Variants in TSNARE1 observed in about 807,000 individuals in gnomAD.
The protein encoded by TSNARE1 is t-SNARE domain containing 1, also known as t-SNARE domain-containing protein 1.
A neutral mutation model predicts 62.0 loss-of-function variants in TSNARE1; 49 were observed. That is an observed-to-expected ratio of 0.79 (90% CI 0.63 to 1.00). The LOEUF is 1.00. TSNARE1 is among the 50% of genes least tolerant of loss of function. TSNARE1 has a pLI of 0.00. For synonymous variants in TSNARE1, 328 were observed against 294.4 expected, an observed-to-expected ratio of 1.11 and a Z score of -1.17; for missense variants, 755 against 700.1, an observed-to-expected ratio of 1.08 and a Z score of -0.88.
At chr8:142,231,242 A>G (rs920332619) in intron 12 of TSNARE1, among the ~76,000 whole-genome samples, 1 of 152,210 alleles carries the variant, frequency 6.6e-6, no homozygotes, top group African/African-American at 2.4e-5. Context: ...CTTGGGAAAC[A>G]CATTGCTACC....
chr8:142,217,855 A>ATCAGGGTTCAGAGTGTGGCCAGGG (rs1196846479), intron 13 of TSNARE1, among the ~76,000 whole-genome samples: 3 of 126,466 alleles, frequency 2.4e-5, no homozygotes, highest in Non-Finnish European at 5.0e-5. Flanking sequence ...TGTGAGCAGG[A>ATCAGGGTTCAGAGTGTGGCCAGGG]TCAGGGCTCA....
At chr8:142,336,415 G>C (rs1337532743) in intron 4 of TSNARE1, among the ~76,000 whole-genome samples, 1 of 148,962 alleles carries the variant, frequency 6.7e-6, no homozygotes, top group Non-Finnish European at 1.5e-5. Context: ...GTAATCATAA[G>C]AAAGCTGGAA....
At chr8:142,267,522 ACT>A (rs1361321194) in intron 12 of TSNARE1, among the ~76,000 whole-genome samples, 2 of 151,958 alleles carry the variant, frequency 1.3e-5, no homozygotes, top group African/African-American at 2.4e-5. Flanking sequence ...TGCCTCTAGC[ACT>A]CTCTGTGAAC....
chr8:142,276,729 C>G (rs1015791222), intron 11 of TSNARE1: 14 of 985,398 alleles, frequency 1.4e-5, no homozygotes, highest in Non-Finnish European at 1.7e-5. Flanking sequence ...GGACTCTGAT[C>G]GTAGTGTGTG....
At chr8:142,340,311 G>T (rs915149910) in intron 4 of TSNARE1, among the ~76,000 whole-genome samples, 1 of 152,220 alleles carries the variant, frequency 6.6e-6, no homozygotes, top group African/African-American at 2.4e-5. Flanking sequence ...TTATAGAGGA[G>T]GAAGCGGAGG....
At chr8:142,374,585 T>C (rs1836182623) in intron 1 of TSNARE1, among the ~76,000 whole-genome samples, 1 of 147,130 alleles carries the variant, frequency 6.8e-6, no homozygotes, top group South Asian at 2.1e-4. Flanking sequence ...GAAGCTGAGT[T>C]AGGAGAATGG....
rs1207480393 is a variant in TSNARE1, at chr8:142,324,053, A to G, written c.894-5419T>C. Among the ~76,000 whole-genome samples, 33 of 152,254 alleles carry G rather than the reference A, an allele frequency of 2.2e-4. 1 individual carries two copies. Among genetic ancestry groups the G allele is most frequent in the Admixed American group, 1.0e-3 (16 of 15,290 alleles). ...AGAAGGCTGGAAACGCTAGCTGTAC[A>G]TTGAGAGAGCGGGCCCATCTCTCCA... is the stretch of plus-strand genomic sequence containing the variant. On this transcript the variant is annotated intron_variant, in intron 6 of 13. Transcript: ENST00000524325.
At chr8:142,240,727 A>G (rs928377358) in intron 12 of TSNARE1, among the ~76,000 whole-genome samples, 1 of 152,262 alleles carries the variant, frequency 6.6e-6, no homozygotes, top group Non-Finnish European at 1.5e-5. Flanking sequence ...TAGAAATTTT[A>G]TAATCTCCTT....
At chr8:142,257,783 A>G (rs1240564454) in intron 12 of TSNARE1, among the ~76,000 whole-genome samples, 1 of 151,972 alleles carries the variant, frequency 6.6e-6, no homozygotes, top group East Asian at 1.9e-4. Context: ...CCCCTGCCAG[A>G]CACTCACTGC....
chr8:142,352,843 G>A (rs1269703176), intron 2 of TSNARE1, among the ~76,000 whole-genome samples: 1 of 152,180 alleles, frequency 6.6e-6, no homozygotes, highest in Admixed American at 6.5e-5. Context: ...AAGGAGCAGG[G>A]GCCTGGGGGT....
intron 11 of TSNARE1, 170 bp from the exon 12 acceptor site, chr8:142,275,033 G>A (rs1442751484): frequency 4.6e-5 from 45 of 985,330 alleles, no homozygotes; most frequent in Non-Finnish European, 5.3e-5. Context: ...TCCGCGTGGT[G>A]TGGGCAGTGG....
At chr8:142,256,385 T>TCACCATAATTCCTACCAC (rs1818570568) in intron 12 of TSNARE1, among the ~76,000 whole-genome samples, 98 of 1,256 alleles carry the variant, frequency 0.078, 3 homozygotes, top group Non-Finnish European at 0.084. Flanking sequence ...ACCATCATCA[T>TCACCATAATTCCTACCAC]CACCAATACC....
chr8:142,289,607 C>T (rs1823409763), intron 10 of TSNARE1, among the ~76,000 whole-genome samples: 1 of 152,174 alleles, frequency 6.6e-6, no homozygotes, highest in Non-Finnish European at 1.5e-5. Context: ...TGCACCCTGG[C>T]CCTGAGGCCT....
intron 13 of TSNARE1, among the ~76,000 whole-genome samples, chr8:142,227,397 A>C (rs1364206431): frequency 4.7e-5 from 3 of 63,298 alleles, no homozygotes; most frequent in African/African-American, 1.1e-4. Flanking sequence ...CAATAGCCCC[A>C]GTGACAGCCA....
chr8:142,299,650 C>T (rs182687843), intron 10 of TSNARE1, among the ~76,000 whole-genome samples: 9 of 152,240 alleles, frequency 5.9e-5, no homozygotes, highest in African/African-American at 1.2e-4. Flanking sequence ...CACGCACGCA[C>T]GCATACTTGC....
At chr8:142,371,118 TCAA>T (rs1367098589) in intron 1 of TSNARE1, among the ~76,000 whole-genome samples, 1 of 152,220 alleles carries the variant, frequency 6.6e-6, no homozygotes, top group East Asian at 1.9e-4. Context: ...GCCCATAAAT[TCAA>T]CAACCTAGAT....
intron 13 of TSNARE1, 73 bp downstream of exon 13, chr8:142,229,400 T>C (rs1301803643): frequency 8.3e-7 from 1 of 1,202,596 alleles, no homozygotes; most frequent in Non-Finnish European, 1.2e-6. Flanking sequence ...GTTAGATGGA[T>C]GGTGGATAGG....
At chr8:142,345,975 ACAC>A in intron 2 of TSNARE1, 83 bp from the exon 3 acceptor site, 1 of 1,512,786 alleles carries the variant, frequency 6.6e-7, no homozygotes, top group Non-Finnish European at 8.9e-7. Context: ...CGGACAGCAG[ACAC>A]CCAGGACCCG....
In TSNARE1 at chr8:142,271,287, C is replaced by T. The variant is rs768108090; in HGVS notation, c.1446+3494G>A. 86 of 1,070,730 alleles carry T rather than the reference C, an allele frequency of 8.0e-5. No homozygotes were observed. In the African/African-American group the frequency reaches 9.8e-4, roughly 12 times the overall value. 66.3% of individuals were successfully genotyped at this position (1,070,730 alleles called of 1,614,324 possible). A position where few individuals can be genotyped will look rare whatever the true frequency, so the allele number is the denominator to read the frequency against. Reference sequence around the variant, plus strand: ...TCGAGGGTCCGGTTGAGGGCCTCCACGCCATCGGCCAGACGCTGGCTCTGC... The same window carrying T: ...TCGAGGGTCCGGTTGAGGGCCTCCATGCCATCGGCCAGACGCTGGCTCTGC... On this transcript the variant is annotated intron_variant, in intron 12 of 13. Coordinates refer to ENST00000524325, the MANE Select transcript of TSNARE1 (RefSeq NM_145003.5).
Sources: allele counts gnomAD v4.1 joint callset (sites outside exome capture counted in the v4.1 genomes callset), GRCh38; gene constraint gnomAD v4.1.1; transcripts MANE v1.5; gene names NCBI Gene and HGNC (gene_info 2026-07-23, HGNC 2026-07-21).